RAVER2: variants seen among roughly 807,000 people sequenced by gnomAD.
The protein encoded by RAVER2 is ribonucleoprotein, PTB binding 2.
RAVER2 carries 46 observed loss-of-function variants against 78.1 expected under a neutral mutation model. The ratio of observed to expected loss-of-function variants is 0.59; its 90% CI spans 0.46 to 0.75. RAVER2 has a LOEUF of 0.75. Ranked by LOEUF, RAVER2 falls within the 30% of genes least tolerant of loss-of-function variation. The pLI is 0.00. For missense variants in RAVER2, 793 were observed against 837.5 expected, an observed-to-expected ratio of 0.95 and a Z score of 0.66; for synonymous variants, 311 against 313.3, an observed-to-expected ratio of 0.99 and a Z score of 0.08.
chr1:64,771,907 C>A (rs912876086), intron 2 of RAVER2, among the ~76,000 whole-genome samples: 2 of 152,068 alleles, frequency 1.3e-5, no homozygotes, highest in African/African-American at 2.4e-5. Context: ...TATAACCTTG[C>A]AACCAGAGCT....
At chr1:64,803,352 AC>A (rs1223169294) in intron 6 of RAVER2, among the ~76,000 whole-genome samples, 4 of 152,172 alleles carry the variant, frequency 2.6e-5, no homozygotes, top group Non-Finnish European at 5.9e-5. Flanking sequence ...TGTTCAAGAC[AC>A]GGCTTCTTAT....
Position 64,777,606 on chromosome 1 carries a change from A to G in RAVER2, c.317-17A>G. 1.3e-6 allele frequency: 2 copies of G among 1,574,486 alleles called. No individual in the cohort carries two copies. Among genetic ancestry groups the G allele is most frequent in the Middle Eastern group, 1.7e-4 (1 of 5,886 alleles). The stretch of plus-strand genomic sequence containing the variant: ...AAACAATTTGAAAACTCTTTAATTC[A>G]TTTCGTTATCTTCCAGCTTTTGTTA... On this transcript the variant is annotated splice_polypyrimidine_tract_variant and intron_variant, in intron 2 of 11. Transcript: ENST00000294428.
At chr1:64,787,599 A>T (rs1431809680) in intron 4 of RAVER2, among the ~76,000 whole-genome samples, 1 of 152,024 alleles carries the variant, frequency 6.6e-6, no homozygotes, top group Non-Finnish European at 1.5e-5. Flanking sequence ...AAGGTCGGGG[A>T]GGTGGGAAGG....
chr1:64,807,591 A>T, intron 9 of RAVER2, 117 bp downstream of exon 9: 1 of 1,103,846 alleles, frequency 9.1e-7, no homozygotes, highest in Admixed American at 3.1e-5. Flanking sequence ...CATAGTTTAC[A>T]TTTACTTTTC....
exon 12 of RAVER2, chr1:64,832,296 T>G (rs891789587): frequency 2.0e-5 from 3 of 152,626 alleles, no homozygotes; most frequent in African/African-American, 7.2e-5. Context: ...CTGCTTTCTC[T>G]CTCACTCTTT....
At chr1:64,797,924 CTTT>C (rs577748435) in intron 5 of RAVER2, among the ~76,000 whole-genome samples, 1 of 135,612 alleles carries the variant, frequency 7.4e-6, no homozygotes, top group Non-Finnish European at 1.6e-5. Flanking sequence ...TTTTTTTTTT[CTTT>C]TTTTTTTTAT....
At chr1:64,767,742 T>C (rs776140103) in intron 1 of RAVER2, among the ~76,000 whole-genome samples, 5 of 152,052 alleles carry the variant, frequency 3.3e-5, no homozygotes, top group Non-Finnish European at 7.4e-5. Context: ...GAAACAATTA[T>C]ATTCACTCTA....
rs1433765339 is a variant in RAVER2, at chr1:64,804,985, T to C, written c.1297-6T>C. 6.2e-7 allele frequency: 1 copy of C among 1,613,222 alleles called. No homozygotes were observed. Among genetic ancestry groups the C allele is most frequent in the South Asian group, 1.1e-5 (1 of 91,030 alleles). On this transcript the variant is annotated splice_region_variant and splice_polypyrimidine_tract_variant and intron_variant, in intron 7 of 11. Transcript: ENST00000294428. The stretch of plus-strand genomic sequence containing the variant: ...ATGGGTCTTACCTTTTTTTCTTCTT[T>C]TGTAGAAACCCGGCTTACTTGGAGA...
At chr1:64,797,941 A>G (rs1489198707) in intron 5 of RAVER2, among the ~76,000 whole-genome samples, 3 of 139,388 alleles carry the variant, frequency 2.2e-5, no homozygotes, top group African/African-American at 8.1e-5. Context: ...TTTTTATTAT[A>G]CTTTAAGTTT....
At chr1:64,794,063 A>G (rs560254137) in intron 5 of RAVER2, among the ~76,000 whole-genome samples, 2 of 152,214 alleles carry the variant, frequency 1.3e-5, no homozygotes, top group Non-Finnish European at 2.9e-5. Flanking sequence ...TTGATAATTA[A>G]CTATCTGTGG....
Position 64,819,016 on chromosome 1 carries a change from CCTT to C in RAVER2, c.1929+4179_1929+4181del, listed in dbSNP as rs367628222. 6.6e-5 allele frequency among the ~76,000 whole-genome samples: 10 copies of C among 152,182 alleles called. No individual in the cohort carries two copies. In the East Asian group the frequency reaches 1.9e-3, roughly 29 times the overall value. On this transcript the variant is annotated intron_variant, in intron 11 of 11. Transcript: ENST00000294428. The stretch of plus-strand genomic sequence containing the variant: ...GAATTTGAGTTCAGCAAAGTTAACT[CCTT>C]CTAGAACAAAAATCAACACTCATCA...
At chr1:64,748,949 C>T (rs1209395458) in intron 1 of RAVER2, among the ~76,000 whole-genome samples, 1 of 152,144 alleles carries the variant, frequency 6.6e-6, no homozygotes, top group African/African-American at 2.4e-5. Flanking sequence ...GCGATTCTCT[C>T]ACCCTCTAAA....
At chr1:64,808,008 T>C (rs1653492366) in intron 9 of RAVER2, among the ~76,000 whole-genome samples, 1 of 152,198 alleles carries the variant, frequency 6.6e-6, no homozygotes, top group Admixed American at 6.5e-5. Flanking sequence ...TCAAATATAC[T>C]TTTTTCTATC....
At chr1:64,780,808 A>C (rs924745295) in intron 3 of RAVER2, among the ~76,000 whole-genome samples, 5 of 152,224 alleles carry the variant, frequency 3.3e-5, no homozygotes, top group African/African-American at 1.2e-4. Flanking sequence ...TATTTAGGGC[A>C]CATTCAGAAA....
chr1:64,755,773 A>T (rs2100806915), intron 1 of RAVER2, among the ~76,000 whole-genome samples: 1 of 131,670 alleles, frequency 7.6e-6, no homozygotes, highest in South Asian at 2.3e-4. Context: ...ACTAGAGTAG[A>T]AAGTGATGGC....
chr1:64,799,547 A>G (rs929304060), intron 5 of RAVER2, among the ~76,000 whole-genome samples: 1 of 152,100 alleles, frequency 6.6e-6, no homozygotes, highest in Non-Finnish European at 1.5e-5. Flanking sequence ...AGTTCAAGCG[A>G]TTCTCATGCC....
In RAVER2 at chr1:64,780,924, A is replaced by G. The variant is rs1652608307; in HGVS notation, c.787-456A>G. On this transcript the variant is annotated intron_variant, in intron 3 of 11. Coordinates refer to ENST00000294428, the Ensembl canonical transcript of RAVER2. ...CCTGGGATCTGCCTAAAATAGTGAA[A>G]TAAAAATGAAATATTCCTCCTACCT... Among the ~76,000 whole-genome samples, 3 of 152,236 alleles carry G rather than the reference A, an allele frequency of 2.0e-5. No individual in the cohort carries two copies. The East Asian group carries it at 5.8e-4, about 29-fold the overall frequency.
At chr1:64,819,269 T>C (rs148454099) in intron 11 of RAVER2, among the ~76,000 whole-genome samples, 1 of 151,958 alleles carries the variant, frequency 6.6e-6, no homozygotes, top group Non-Finnish European at 1.5e-5. Context: ...AAAGTAATAA[T>C]GAACAGGTAT....
chr1:64,770,170 G>A (rs1397773140), intron 2 of RAVER2, among the ~76,000 whole-genome samples: 1 of 151,974 alleles, frequency 6.6e-6, no homozygotes, highest in Non-Finnish European at 1.5e-5. Context: ...CATTTCAACT[G>A]TTTCTCCATA....
Sources: gnomAD v4.1 joint callset for allele counts (sites outside exome capture counted in the v4.1 genomes callset) on GRCh38, gnomAD v4.1.1 for gene constraint, MANE v1.5 for transcripts, NCBI Gene and HGNC (gene_info 2026-07-23, HGNC 2026-07-21) for gene names.